The following ZNF433 variants were observed in gnomAD, a reference collection of about 807,000 sequenced individuals.
ZNF433 encodes the protein zinc finger protein 433.
A neutral mutation model predicts 10.6 loss-of-function variants in ZNF433; 12 were observed. That is an observed-to-expected ratio of 1.13 (90% CI 0.72 to 1.83). The LOEUF (loss-of-function observed/expected upper bound fraction) is 1.83. Among genes scored for constraint, ZNF433 ranks in the 40% most tolerant of loss-of-function variants. The pLI, the probability that ZNF433 is intolerant of heterozygous loss-of-function variation, is 0.00. For synonymous variants in ZNF433, 272 were observed against 271.3 expected, an observed-to-expected ratio of 1.00 and a Z score of -0.02; for missense variants, 737 against 798.0, an observed-to-expected ratio of 0.92 and a Z score of 0.92.
chr19:12,035,572 G>A lies in ZNF433; in HGVS notation c.-33C>T, dbSNP rs1403522922. On this transcript the variant is annotated 5_prime_UTR_variant, in exon 1 of 4. Coordinates refer to ENST00000550507, the MANE Select transcript of ZNF433 (RefSeq NM_001308348.2). ...CTTTCAGGTGACTCCCACGACCAGT[G>A]CGGGTCACAGCACAGGCGACAGAAG... 6.4e-7 allele frequency: 1 copy of A among 1,563,212 alleles called. No homozygotes were observed. The highest frequency in any genetic ancestry group is 2.4e-5 in the East Asian group (1 of 41,664).
At chr19:12,022,531 T>G (rs889091284) in intron 1 of ZNF433, among the ~76,000 whole-genome samples, 5 of 152,068 alleles carry the variant, frequency 3.3e-5, no homozygotes, top group Non-Finnish European at 7.4e-5. Flanking sequence ...CATGTGTGGG[T>G]CTTGAACCCA....
intron 1 of ZNF433, chr19:12,024,915 G>A (rs1974664820): frequency 6.6e-6 from 1 of 152,156 alleles, no homozygotes; most frequent in Non-Finnish European, 1.5e-5. Context: ...AATACAGCAA[G>A]CTTTTATAAA....
intron 2 of ZNF433, 96 bp from the exon 3 acceptor site, chr19:12,018,032 CTTTA>C (rs775088607): frequency 1.0e-5 from 13 of 1,298,940 alleles, no homozygotes; most frequent in African/African-American, 4.6e-5. Context: ...AGCATGCTTC[CTTTA>C]TTTATCAAAT....
chr19:12,019,055 A>T (rs1599355480), intron 1 of ZNF433, among the ~76,000 whole-genome samples: 1 of 148,340 alleles, frequency 6.7e-6, no homozygotes, highest in African/African-American at 2.5e-5. Flanking sequence ...ATCTTAATAA[A>T]AAAAAAAAAA....
At chr19:12,031,061 G>A (rs1447594803) in intron 1 of ZNF433, among the ~76,000 whole-genome samples, 1 of 152,106 alleles carries the variant, frequency 6.6e-6, no homozygotes, top group African/African-American at 2.4e-5. Flanking sequence ...ACTTTGGGAG[G>A]CTGAGGTGGG....
chr19:12,035,281 G>A lies in ZNF433; in HGVS notation c.3+256C>T, dbSNP rs548442638. 1.3e-3 allele frequency among the ~76,000 whole-genome samples: 201 copies of A among 152,264 alleles called. 1 individual carries two copies. The highest frequency in any genetic ancestry group is 4.8e-3 in the African/African-American group (199 of 41,548). On this transcript the variant is annotated intron_variant, in intron 1 of 3. Coordinates refer to ENST00000550507, the MANE Select transcript of ZNF433 (RefSeq NM_001308348.2). Reference sequence around the variant, plus strand: ...CAATGTGGGGAGACGCGGGGCAGCGGGCGCGGAGCTGCCCAGAGAGGGCTC... The same window carrying A: ...CAATGTGGGGAGACGCGGGGCAGCGAGCGCGGAGCTGCCCAGAGAGGGCTC...
chr19:12,028,695 T>G (rs928787655), intron 1 of ZNF433, among the ~76,000 whole-genome samples: 1 of 152,226 alleles, frequency 6.6e-6, no homozygotes, highest in Non-Finnish European at 1.5e-5. Context: ...TAAAAATGTT[T>G]TTATTATTTT....
At chr19:12,030,201 G>A (rs1261422846) in intron 1 of ZNF433, 2 of 440,784 alleles carry the variant, frequency 4.5e-6, no homozygotes, top group Non-Finnish European at 4.5e-6. Flanking sequence ...TTCCAGAACT[G>A]TCAGAAAGAA....
rs55659942 is a variant in ZNF433 at position 12,029,521 on chromosome 19, C to CA, written c.3+6015dup. Among the ~76,000 whole-genome samples the CA allele has an allele frequency of 3.0e-3, 144 of 48,452 alleles. 18 individuals are homozygous for CA. Among genetic ancestry groups the CA allele is most frequent in the African/African-American group, 8.1e-3 (102 of 12,580 alleles). 31.8% of individuals were successfully genotyped at this position (48,452 alleles called of 152,430 possible). On this transcript the variant is annotated intron_variant, in intron 1 of 3. Transcript: ENST00000550507. ...TCGGTGACAGAGCAAGACTCTGTCT[C>CA]AAAAAAAAAAAAAAAAAAAAAAAAA...
chr19:12,031,306 AAAAACAAAAC>A (rs1568341911), intron 1 of ZNF433, among the ~76,000 whole-genome samples: 46 of 131,186 alleles, frequency 3.5e-4, no homozygotes, highest in African/African-American at 1.9e-3. Context: ...AAAAAAAAAA[AAAAACAAAAC>A]AAAAAAAAAA....
intron 1 of ZNF433, chr19:12,025,009 G>T (rs1974669765): frequency 6.6e-6 from 1 of 152,132 alleles, no homozygotes; most frequent in Non-Finnish European, 1.5e-5. Flanking sequence ...TTCAATTTTT[G>T]AAATTAACTA....
chr19:12,032,799 A>C (rs1474277138), intron 1 of ZNF433, among the ~76,000 whole-genome samples: 1 of 152,054 alleles, frequency 6.6e-6, no homozygotes, highest in African/African-American at 2.4e-5. Context: ...TCTGAAATCT[A>C]CCTCTTTCTG....
At chr19:12,031,563 G>A (rs1348617012) in intron 1 of ZNF433, among the ~76,000 whole-genome samples, 1 of 152,130 alleles carries the variant, frequency 6.6e-6, no homozygotes, top group African/African-American at 2.4e-5. Context: ...AGAATCGCTT[G>A]GACCCAGGAG....
chr19:12,030,499 C>T (rs1241517661), intron 1 of ZNF433, among the ~76,000 whole-genome samples: 3 of 152,106 alleles, frequency 2.0e-5, no homozygotes, highest in Non-Finnish European at 2.9e-5. Context: ...GGATTACAGG[C>T]GTGAGCCACC....
intron 1 of ZNF433, among the ~76,000 whole-genome samples, chr19:12,019,484 T>C (rs1174376989): frequency 6.6e-6 from 1 of 152,142 alleles, no homozygotes; most frequent in Non-Finnish European, 1.5e-5. Flanking sequence ...TTGTGCTCTG[T>C]TTAAAGGATA....
At chr19:12,031,920 GT>G (rs756604087) in intron 1 of ZNF433, among the ~76,000 whole-genome samples, 9,036 of 132,882 alleles carry the variant, frequency 0.068, 478 homozygotes, top group African/African-American at 0.16. Flanking sequence ...GCAAAGAACT[GT>G]TTTTTTTTTT....
intron 3 of ZNF433, among the ~76,000 whole-genome samples, chr19:12,017,494 C>T (rs1477984233): frequency 7.2e-5 from 11 of 152,238 alleles, no homozygotes; most frequent in African/African-American, 1.4e-4. Context: ...TGAGCCACCA[C>T]GCCTGGCGTC....
intron 1 of ZNF433, chr19:12,022,055 C>A (rs1352325166): frequency 2.2e-6 from 1 of 453,738 alleles, no homozygotes; most frequent in East Asian, 7.0e-5. Flanking sequence ...CCAAAACTGG[C>A]CATAAACAAA....
At chr19:12,020,155 C>G (rs1198349923) in intron 1 of ZNF433, among the ~76,000 whole-genome samples, 1 of 152,026 alleles carries the variant, frequency 6.6e-6, no homozygotes, top group African/African-American at 2.4e-5. Context: ...TCCTGTAATC[C>G]CAGCTACTCA....
Sources: gnomAD v4.1 joint callset for allele counts (sites outside exome capture counted in the v4.1 genomes callset) on GRCh38, gnomAD v4.1.1 for gene constraint, MANE v1.5 for transcripts, NCBI Gene and HGNC (gene_info 2026-07-23, HGNC 2026-07-21) for gene names.